The following TMEM267 variants were observed in gnomAD, a reference collection of about 807,000 sequenced individuals.
TMEM267 encodes transmembrane protein C5orf28.
TMEM267 carries 20 observed loss-of-function variants against 19.3 expected under a neutral mutation model. That is an observed-to-expected ratio of 1.04 (90% CI 0.73 to 1.51). The LOEUF is 1.51. TMEM267 is among the 40% of genes most tolerant of loss of function. The pLI is 0.00. For missense variants in TMEM267, 242 were observed against 261.9 expected (o/e 0.92, Z 0.52); for synonymous variants, 88 against 90.3 (o/e 0.97, Z 0.15).
intron 1 of TMEM267, among the ~76,000 whole-genome samples, chr5:43,478,890 T>C (rs910655927): frequency 6.6e-6 from 1 of 152,100 alleles, no homozygotes; most frequent in Non-Finnish European, 1.5e-5. Flanking sequence ...ATGATCACTC[T>C]CAAAGATTAT....
At chr5:43,446,682 G>A in intron 2 of TMEM267, 125 bp from the exon 3 acceptor site, 2 of 555,422 alleles carry the variant, frequency 3.6e-6, no homozygotes, top group Non-Finnish European at 6.2e-6. Context: ...CATGTTCTAT[G>A]CCACTTCAGG....
intron 2 of TMEM267, among the ~76,000 whole-genome samples, chr5:43,451,577 T>C (rs1742590337): frequency 6.6e-6 from 1 of 152,104 alleles, no homozygotes; most frequent in African/African-American, 2.4e-5. Flanking sequence ...AGAATGGCTA[T>C]TATTAAAAAG....
Position 43,456,505 on chromosome 5 carries a change from T to C in TMEM267, c.-74-2462A>G, listed in dbSNP as rs192979085. On this transcript the variant is annotated intron_variant, in intron 1 of 2. Transcript: ENST00000397080. ...GAAAGAAAAAACAATTTTTAAATCT[T>C]ATATCTGATAAAGGACTTACATCCA... Among the ~76,000 whole-genome samples the C allele has an allele frequency of 3.7e-3, 559 of 152,280 alleles. 1 individual carries two copies. The highest frequency in any genetic ancestry group is 6.2e-3 in the Non-Finnish European group (420 of 68,020).
At position 43,452,452 on chromosome 5, in the gene TMEM267, T is replaced by C. The variant is rs144911520; in HGVS notation, c.312+1206A>G. Among the ~76,000 whole-genome samples, 130 of 151,348 alleles carry C rather than the reference T, an allele frequency of 8.6e-4. 1 individual carries two copies. Among genetic ancestry groups the C allele is most frequent in the African/African-American group, 3.0e-3 (125 of 41,162 alleles). Reference sequence around the variant, plus strand: ...AACAGACACTGGAGACTCCAAGAGGTGGGAGAGTGAGAAGAGGTGAGAGAT... The same window carrying C: ...AACAGACACTGGAGACTCCAAGAGGCGGGAGAGTGAGAAGAGGTGAGAGAT... On this transcript the variant is annotated intron_variant, in intron 2 of 2. Coordinates refer to ENST00000397080, the MANE Select transcript of TMEM267 (RefSeq NM_022483.5).
At chr5:43,465,021 C>T (rs1485178088) in intron 1 of TMEM267, among the ~76,000 whole-genome samples, 1 of 152,110 alleles carries the variant, frequency 6.6e-6, no homozygotes, top group Non-Finnish European at 1.5e-5. Context: ...GAACGGGCAA[C>T]CTACAAAATG....
Position 43,457,761 on chromosome 5 carries a change from AAAGTC to A in TMEM267, c.-74-3723_-74-3719del, listed in dbSNP as rs1351583396. 4.6e-5 allele frequency among the ~76,000 whole-genome samples: 7 copies of A among 152,342 alleles called. No individual in the cohort carries two copies. In the East Asian group the frequency reaches 1.3e-3, roughly 29 times the overall value. On this transcript the variant is annotated intron_variant, in intron 1 of 2. Coordinates refer to ENST00000397080, the MANE Select transcript of TMEM267 (RefSeq NM_022483.5). The stretch of plus-strand genomic sequence containing the variant: ...GAAAAACTTACAAAAACTTAAAAAT[AAAGTC>A]AATTTATTTTAAAAAATTAAATAAA...
intron 1 of TMEM267, among the ~76,000 whole-genome samples, chr5:43,464,362 T>C (rs893119692): frequency 5.3e-5 from 8 of 152,160 alleles, no homozygotes; most frequent in Admixed American, 3.9e-4. Context: ...ATCAATATCG[T>C]GAAAATGGCC....
At chr5:43,478,627 T>C (rs1744574279) in intron 1 of TMEM267, among the ~76,000 whole-genome samples, 2 of 152,138 alleles carry the variant, frequency 1.3e-5, no homozygotes, top group Admixed American at 6.5e-5. Context: ...ATTTAGAACA[T>C]TTATGACAGA....
At chr5:43,448,775 T>TA (rs1742402394) in intron 2 of TMEM267, among the ~76,000 whole-genome samples, 2 of 149,830 alleles carry the variant, frequency 1.3e-5, no homozygotes, top group Admixed American at 1.3e-4. Context: ...AAACTCTGTC[T>TA]AAAAAACAAC....
At chr5:43,452,727 T>G (rs775280121) in intron 2 of TMEM267, among the ~76,000 whole-genome samples, 3 of 152,232 alleles carry the variant, frequency 2.0e-5, no homozygotes, top group Admixed American at 2.0e-4. Flanking sequence ...TGTCTTTAAT[T>G]AGCAATTACT....
intron 1 of TMEM267, among the ~76,000 whole-genome samples, chr5:43,483,012 C>A (rs192851418): frequency 9.2e-5 from 14 of 152,322 alleles, no homozygotes; most frequent in African/African-American, 3.4e-4. Context: ...GGTCAAAACA[C>A]GGTCCAAATT....
At chr5:43,459,865 T>C (rs1743157099) in intron 1 of TMEM267, among the ~76,000 whole-genome samples, 1 of 152,166 alleles carries the variant, frequency 6.6e-6, no homozygotes, top group Non-Finnish European at 1.5e-5. Flanking sequence ...TGGAGGGGGA[T>C]GGTTTTGCGA....
chr5:43,454,208 ATTTT>A (rs374076278), intron 1 of TMEM267, among the ~76,000 whole-genome samples, 165 bp from the exon 2 acceptor site: 18 of 133,616 alleles, frequency 1.3e-4, no homozygotes, highest in Admixed American at 1.5e-4. Context: ...AGGAGAATAG[ATTTT>A]TTTTTTTTTT....
At chr5:43,452,324 C>A (rs1742652854) in intron 2 of TMEM267, among the ~76,000 whole-genome samples, 1 of 151,884 alleles carries the variant, frequency 6.6e-6, no homozygotes. Context: ...AGGCCATTAT[C>A]CTTAGTGAAA....
chr5:43,446,010 T>A lies in TMEM267; in HGVS notation c.*212A>T, dbSNP rs2111989752. On this transcript the variant is annotated 3_prime_UTR_variant, in exon 3 of 3. Coordinates refer to ENST00000397080, the MANE Select transcript of TMEM267 (RefSeq NM_022483.5). ...TTGTGGAATAAATGAAACTCTAATA[T>A]TGCACTAGAGTTGTCATAGAAGAGA... The A allele has an allele frequency of 3.1e-6, 1 of 323,494 alleles. No individual in the cohort carries two copies. The highest frequency in any genetic ancestry group is 9.8e-5 in the South Asian group (1 of 10,218). The allele number at this position is 323,494 out of a possible 1,614,324, so 20.0% of individuals were successfully genotyped here. A position where few individuals can be genotyped will look rare whatever the true frequency, so the allele number is the denominator to read the frequency against.
chr5:43,450,533 AC>A (rs1742523009), intron 2 of TMEM267, among the ~76,000 whole-genome samples: 1 of 152,016 alleles, frequency 6.6e-6, no homozygotes, highest in African/African-American at 2.4e-5. Context: ...CCTTATAACA[AC>A]TCTATGTGGT....
rs955554726 is a variant in TMEM267, at chr5:43,444,978, T to C, written c.*1244A>G. 3 of 152,184 alleles carry C rather than the reference T, an allele frequency of 2.0e-5. No individual in the cohort carries two copies. The highest frequency in any genetic ancestry group is 7.2e-5 in the African/African-American group (3 of 41,448). 9.4% of individuals were successfully genotyped at this position (152,184 alleles called of 1,614,324 possible). On this transcript the variant is annotated 3_prime_UTR_variant, in exon 3 of 3. Coordinates refer to ENST00000397080, the MANE Select transcript of TMEM267 (RefSeq NM_022483.5). ...AGAAAATCTGCTGTGGATAAGGCAT[T>C]GCTTTATGAACCCTCCATCTTTCCT...
At chr5:43,476,524 T>A (rs1357732434) in intron 1 of TMEM267, among the ~76,000 whole-genome samples, 3 of 145,782 alleles carry the variant, frequency 2.1e-5, no homozygotes, top group African/African-American at 7.7e-5. Context: ...TTTTTTTTTT[T>A]TTTTTTTTTT....
rs192300722 is a variant in TMEM267 at position 43,470,874 on chromosome 5, T to C, written c.-75+12948A>G. Among the ~76,000 whole-genome samples the C allele has an allele frequency of 1.4e-3, 212 of 151,880 alleles. 4 individuals are homozygous for C. Among genetic ancestry groups the C allele is most frequent in the East Asian group, 2.7e-3 (14 of 5,176 alleles). On this transcript the variant is annotated intron_variant, in intron 1 of 2. Transcript: ENST00000397080. Reference sequence around the variant, plus strand: ...CGCGACAAGAAAACTATTAAAACTATTAAACTAGAAAAGCATGAGCAAACC... The same window carrying C: ...CGCGACAAGAAAACTATTAAAACTACTAAACTAGAAAAGCATGAGCAAACC...
Sources: gnomAD v4.1 joint callset for allele counts (sites outside exome capture counted in the v4.1 genomes callset) on GRCh38, gnomAD v4.1.1 for gene constraint, MANE v1.5 for transcripts, NCBI Gene and HGNC (gene_info 2026-07-23, HGNC 2026-07-21) for gene names.